EIF3A: variants seen among roughly 807,000 people sequenced by gnomAD.
EIF3A encodes the protein EIF3, p180 subunit.
Under a neutral mutation model 186.6 loss-of-function variants are expected in EIF3A, and 21 were observed. That is an observed-to-expected ratio of 0.11 (90% CI 0.08 to 0.16). The LOEUF (loss-of-function observed/expected upper bound fraction) is 0.16, where lower values mean the gene tolerates loss of function less well. Among genes scored for constraint, EIF3A ranks in the 10% least tolerant of loss-of-function variants. EIF3A has a pLI of 1.00. For missense variants in EIF3A, 1,306 were observed against 1,796.3 expected (o/e 0.73, Z 4.93); for synonymous variants, 563 against 584.3 (o/e 0.96, Z 0.52).
intron 3 of EIF3A, 111 bp from the exon 4 acceptor site, chr10:119,073,164 T>A: frequency 2.1e-6 from 2 of 974,378 alleles, no homozygotes; most frequent in Non-Finnish European, 3.0e-6. Flanking sequence ...TCCCACAATA[T>A]GTACACACTG....
At chr10:119,073,970 G>A (rs374416188) in intron 1 of EIF3A, 33 bp from the exon 2 acceptor site, 18 of 1,547,606 alleles carry the variant, frequency 1.2e-5, no homozygotes, top group Non-Finnish European at 1.5e-5. Flanking sequence ...AATTAGTTAT[G>A]TACACTATAC....
At chr10:119,041,546 T>G (rs1286157414) in intron 19 of EIF3A, among the ~76,000 whole-genome samples, 1 of 152,250 alleles carries the variant, frequency 6.6e-6, no homozygotes, top group African/African-American at 2.4e-5. Flanking sequence ...CATTCCAGCC[T>G]GTGCAACAGA....
intron 9 of EIF3A, among the ~76,000 whole-genome samples, 177 bp downstream of exon 9, chr10:119,060,569 G>A (rs768064088): frequency 4.6e-5 from 7 of 152,218 alleles, no homozygotes; most frequent in Middle Eastern, 3.4e-3. Context: ...AAAAGCGTCC[G>A]TTACAAAATA....
At position 119,034,823 on chromosome 10, in the gene EIF3A, T is replaced by C. The variant is rs1282578524; in HGVS notation, c.*1216A>G. On this transcript the variant is annotated 3_prime_UTR_variant, in exon 22 of 22. Transcript: ENST00000369144. ...CACACACAAACTCAGAGGACAGCGT[T>C]ACAAGGAAACTAAGGAATTCCTGCA... 1 of 152,224 alleles carries C rather than the reference T, an allele frequency of 6.6e-6. No homozygotes were observed. Among genetic ancestry groups the C allele is most frequent in the Non-Finnish European group, 1.5e-5 (1 of 68,042 alleles). 9.4% of individuals were successfully genotyped at this position (152,224 alleles called of 1,614,324 possible). A position where few individuals can be genotyped will look rare whatever the true frequency, so the allele number is the denominator to read the frequency against.
rs116956373 is a variant in EIF3A at position 119,061,846 on chromosome 10, A to G, written c.1123-518T>C. 1.4e-3 allele frequency among the ~76,000 whole-genome samples: 207 copies of G among 152,310 alleles called. 5 individuals carry two copies. The East Asian group carries it at 0.035, about 26-fold the overall frequency. On this transcript the variant is annotated intron_variant, in intron 7 of 21. Transcript: ENST00000369144. ...CATAGCGGTGAGAAAAGAATTTCAC[A>G]TATTACCCCATTTATATGGACTTCA... is the stretch of plus-strand genomic sequence containing the variant.
intron 15 of EIF3A, 23 bp downstream of exon 15, chr10:119,051,176 T>C: frequency 1.9e-6 from 3 of 1,588,108 alleles, no homozygotes; most frequent in Non-Finnish European, 2.6e-6. Context: ...GAATAAACAT[T>C]TCCCAAAAAT....
At chr10:119,038,570 T>A in intron 19 of EIF3A, 131 bp from the exon 20 acceptor site, 1 of 741,074 alleles carries the variant, frequency 1.3e-6, no homozygotes, top group Non-Finnish European at 2.2e-6. Context: ...ATTAAAAAAA[T>A]ACTAAAGCTG....
At chr10:119,041,191 A>G (rs1358783178) in intron 19 of EIF3A, among the ~76,000 whole-genome samples, 2 of 151,848 alleles carry the variant, frequency 1.3e-5, no homozygotes, top group Non-Finnish European at 2.9e-5. Flanking sequence ...AAGAAAAAAA[A>G]TGGTAATAGA....
At chr10:119,057,134 T>C (rs1843795175) in intron 12 of EIF3A, 94 bp from the exon 13 acceptor site, 2 of 698,912 alleles carry the variant, frequency 2.9e-6, no homozygotes, top group Admixed American at 2.9e-5. Context: ...CCTACATTGC[T>C]TTTATTGTTA....
intron 17 of EIF3A, among the ~76,000 whole-genome samples, chr10:119,045,008 G>A (rs1029085198): frequency 2.0e-5 from 3 of 148,274 alleles, no homozygotes; most frequent in East Asian, 2.0e-4. Flanking sequence ...GCAGTGGTAC[G>A]ATCTCAGCTA....
intron 3 of EIF3A, 31 bp from the exon 4 acceptor site, chr10:119,073,084 TAGAC>T (rs1844104639): frequency 6.3e-7 from 1 of 1,582,036 alleles, no homozygotes; most frequent in Non-Finnish European, 8.6e-7. Flanking sequence ...AAAACAATTT[TAGAC>T]AGTTTCCTAC....
chr10:119,067,724 A>C (rs1844003615), intron 6 of EIF3A, among the ~76,000 whole-genome samples: 1 of 152,208 alleles, frequency 6.6e-6, no homozygotes. Flanking sequence ...TAAGAAAGAC[A>C]ATTTGCTTTA....
At chr10:119,076,104 G>A (rs1490321799) in intron 1 of EIF3A, among the ~76,000 whole-genome samples, 7 of 150,502 alleles carry the variant, frequency 4.7e-5, no homozygotes, top group Non-Finnish European at 8.9e-5. Flanking sequence ...TTTGGGAGGC[G>A]GGTGGATCAC....
chr10:119,049,775 A>T (rs1564751616), intron 17 of EIF3A, 26 bp downstream of exon 17: 1 of 1,583,476 alleles, frequency 6.3e-7, no homozygotes, highest in African/African-American at 1.4e-5. Context: ...TTAAAACAAA[A>T]TAAAATCAAT....
chr10:119,077,216 G>A (rs1442597155), intron 1 of EIF3A, among the ~76,000 whole-genome samples: 1 of 152,128 alleles, frequency 6.6e-6, no homozygotes, highest in Non-Finnish European at 1.5e-5. Context: ...TGTAATCCCA[G>A]CACTTTGGGA....
rs183210150 is a variant in EIF3A at position 119,043,714 on chromosome 10, G to A, written c.2747+340C>T. On this transcript the variant is annotated intron_variant, in intron 18 of 21. Coordinates refer to ENST00000369144, the MANE Select transcript of EIF3A (RefSeq NM_003750.4). ...ACAGTCAGATCGCTTGAGGTCAAGA[G>A]GTCAAAGCCAGCTTGGGCAACATGG... is the stretch of plus-strand genomic sequence containing the variant. Among the ~76,000 whole-genome samples, 41 of 152,150 alleles carry A rather than the reference G, an allele frequency of 2.7e-4. No individual in the cohort carries two copies. In the East Asian group the frequency reaches 6.2e-3, roughly 23 times the overall value.
intron 1 of EIF3A, among the ~76,000 whole-genome samples, chr10:119,077,246 CT>C (rs1397648544): frequency 6.6e-6 from 1 of 152,058 alleles, no homozygotes; most frequent in Non-Finnish European, 1.5e-5. Flanking sequence ...GAGCAGATCA[CT>C]TGAGGCCAAG....
intron 1 of EIF3A, 26 bp downstream of exon 1, chr10:119,080,602 C>G: frequency 6.4e-7 from 1 of 1,569,910 alleles, no homozygotes; most frequent in Non-Finnish European, 8.6e-7. Flanking sequence ...CCGCCCCAGC[C>G]CGGCGCGCCC....
chr10:119,069,530 G>A lies in EIF3A; in HGVS notation c.866C>T (p.Ala289Val). The A allele has an allele frequency of 6.3e-7, 1 of 1,593,976 alleles. No homozygotes were observed. Among genetic ancestry groups the A allele is most frequent in the Non-Finnish European group, 8.6e-7 (1 of 1,161,700 alleles). ...ATGGAGTGTAGATGCATGAAAAAGA[G>A]CATTTCCAGATTTCCAAAACACAGT... ...VSTVFWKSGNALFHASTLHRL... is the reference protein window; with the variant it reads ...VSTVFWKSGNVLFHASTLHRL... Residue 289 changes from alanine to valine, a missense_variant, in exon 6 of 22, where the codon GCT (alanine) becomes GTT (valine). Ala to Val is a moderately conservative substitution (Grantham distance 64). Around this residue, in one of 8 missense-constraint regions of EIF3A, gnomAD observed 267 missense variants for 367.8 expected, o/e 0.73. Coordinates refer to ENST00000369144, the MANE Select transcript of EIF3A (RefSeq NM_003750.4).
Sources: allele counts gnomAD v4.1 joint callset (sites outside exome capture counted in the v4.1 genomes callset), GRCh38; gene constraint gnomAD v4.1.1; regional missense constraint gnomAD v4.1.1; transcripts MANE v1.5; gene names NCBI Gene and HGNC (gene_info 2026-07-23, HGNC 2026-07-21).